FHIT: variants seen among roughly 807,000 people sequenced by gnomAD.
FHIT encodes fragile histidine triad diadenosine triphosphatase.
A neutral mutation model predicts 17.9 loss-of-function variants in FHIT; 19 were observed. That is an observed-to-expected ratio of 1.06 (90% CI 0.74 to 1.56). The LOEUF (loss-of-function observed/expected upper bound fraction) is 1.56, where lower values mean the gene tolerates loss of function less well. FHIT is among the 40% of genes most tolerant of loss of function. The pLI is 0.00. For synonymous variants in FHIT, 81 were observed against 69.7 expected (o/e 1.16, Z -0.81); for missense variants, 248 against 189.2 (o/e 1.31, Z -1.82).
At chr3:60,375,408 T>TA (rs144193166) in intron 5 of FHIT, among the ~76,000 whole-genome samples, 2,716 of 142,916 alleles carry the variant, frequency 0.019, 82 homozygotes, top group African/African-American at 0.065. Context: ...ATCTCTACTT[T>TA]AAAAAAAAAA....
At chr3:59,777,247 A>G (rs893603119) in intron 8 of FHIT, among the ~76,000 whole-genome samples, 17 of 152,036 alleles carry the variant, frequency 1.1e-4, no homozygotes, top group Non-Finnish European at 1.9e-4. Flanking sequence ...TTTAAATACT[A>G]TCTCCTATGA....
intron 4 of FHIT, among the ~76,000 whole-genome samples, chr3:60,716,613 T>G (rs1473704528): frequency 1.3e-5 from 2 of 152,176 alleles, no homozygotes; most frequent in African/African-American, 4.8e-5. Flanking sequence ...GTTTTATAGT[T>G]AACTGTTCTT....
intron 5 of FHIT, among the ~76,000 whole-genome samples, chr3:60,245,539 T>C (rs1705349862): frequency 6.6e-6 from 1 of 152,112 alleles, no homozygotes; most frequent in Non-Finnish European, 1.5e-5. Context: ...CATTACAATT[T>C]CATTACAAAA....
chr3:61,228,473 G>A (rs2040022463), intron 1 of FHIT, among the ~76,000 whole-genome samples: 1 of 152,166 alleles, frequency 6.6e-6, no homozygotes, highest in African/African-American at 2.4e-5. Flanking sequence ...CCATATATAA[G>A]TGTTCAATTC....
At chr3:60,458,133 C>G (rs140083542) in intron 5 of FHIT, among the ~76,000 whole-genome samples, 3 of 152,084 alleles carry the variant, frequency 2.0e-5, no homozygotes, top group African/African-American at 7.2e-5. Context: ...CACATGCACA[C>G]GTATGTTTAT....
At chr3:60,589,598 GTCGGGGGATATATTTTTAAGATAAC>G (rs77586272) in intron 4 of FHIT, among the ~76,000 whole-genome samples, 57 of 151,992 alleles carry the variant, frequency 3.8e-4, no homozygotes, top group Non-Finnish European at 7.5e-4. Context: ...CTTTGTCCAC[GTCGGGGGATATATTTTTAAGATAAC>G]TCTGTGGAAG....
At chr3:60,423,711 T>C (rs1375147981) in intron 5 of FHIT, among the ~76,000 whole-genome samples, 1 of 152,164 alleles carries the variant, frequency 6.6e-6, no homozygotes, top group Non-Finnish European at 1.5e-5. Flanking sequence ...CCCCAACTCC[T>C]TCTACCAGTC....
chr3:61,054,675 C>T lies in FHIT; in HGVS notation c.-163-12576G>A, dbSNP rs578125301. Among the ~76,000 whole-genome samples, 98 of 152,252 alleles carry T rather than the reference C, an allele frequency of 6.4e-4. 1 individual carries two copies. In the South Asian group the frequency reaches 0.012, roughly 19 times the overall value. On this transcript the variant is annotated intron_variant, in intron 2 of 9. Transcript: ENST00000492590. ...TAGCCATTCCCTTCCCTGCACAGTT[C>T]CCAAGCCAGATCTAGACATTTCTAC... is the stretch of plus-strand genomic sequence containing the variant.
intron 2 of FHIT, among the ~76,000 whole-genome samples, chr3:61,140,260 C>T (rs1401980593): frequency 6.6e-6 from 1 of 151,968 alleles, no homozygotes; most frequent in African/African-American, 2.4e-5. Context: ...ATGATGATGA[C>T]GATGATGTCT....
intron 1 of FHIT, among the ~76,000 whole-genome samples, chr3:61,208,954 C>CCA (rs2039353475): frequency 1.3e-5 from 2 of 151,954 alleles, no homozygotes; most frequent in Non-Finnish European, 2.9e-5. Context: ...GTGGCTGGTA[C>CCA]TGGTTGTTCC....
At chr3:60,902,323 A>C (rs1489368414) in intron 3 of FHIT, among the ~76,000 whole-genome samples, 2 of 152,220 alleles carry the variant, frequency 1.3e-5, no homozygotes, top group Non-Finnish European at 2.9e-5. Flanking sequence ...TGCATATCTC[A>C]GTAATTTATG....
chr3:60,926,102 T>C (rs1183966710), intron 3 of FHIT, among the ~76,000 whole-genome samples: 16 of 152,056 alleles, frequency 1.1e-4, no homozygotes, highest in African/African-American at 3.9e-4. Context: ...CACACAATAA[T>C]AATGGGAGAC....
At chr3:60,498,390 T>C (rs1041635448) in intron 5 of FHIT, among the ~76,000 whole-genome samples, 3 of 152,226 alleles carry the variant, frequency 2.0e-5, no homozygotes, top group African/African-American at 7.2e-5. Flanking sequence ...TTTACTAAAT[T>C]ATTAATTATA....
chr3:60,326,531 A>G (rs1320537578), intron 5 of FHIT, among the ~76,000 whole-genome samples: 4 of 152,152 alleles, frequency 2.6e-5, no homozygotes, highest in African/African-American at 9.7e-5. Flanking sequence ...GCTTTGCTCA[A>G]TTGCCCACTG....
At chr3:61,131,129 A>C (rs779108214) in intron 2 of FHIT, among the ~76,000 whole-genome samples, 7 of 152,218 alleles carry the variant, frequency 4.6e-5, no homozygotes, top group Non-Finnish European at 1.0e-4. Context: ...GTAAAAAAGG[A>C]TTTAAACAAC....
At chr3:60,402,071 T>C (rs936885873) in intron 5 of FHIT, among the ~76,000 whole-genome samples, 2 of 152,166 alleles carry the variant, frequency 1.3e-5, no homozygotes, top group African/African-American at 2.4e-5. Context: ...TAAGGGGCTA[T>C]TGTTTCCCCC....
At chr3:60,196,009 T>C (rs992360368) in intron 5 of FHIT, among the ~76,000 whole-genome samples, 1 of 152,118 alleles carries the variant, frequency 6.6e-6, no homozygotes, top group Non-Finnish European at 1.5e-5. Context: ...AACCTACTTG[T>C]ACCCCTAAAG....
chr3:60,744,244 T>A (rs1470311045), intron 4 of FHIT, among the ~76,000 whole-genome samples: 1 of 42,444 alleles, frequency 2.4e-5, no homozygotes, highest in African/African-American at 1.1e-4. Context: ...TTGGAAGTAA[T>A]GTAAAAAAAA....
At chr3:60,611,113 G>C (rs1553673380) in intron 4 of FHIT, among the ~76,000 whole-genome samples, 1 of 152,144 alleles carries the variant, frequency 6.6e-6, no homozygotes, top group African/African-American at 2.4e-5. Flanking sequence ...CCCAGTAATT[G>C]TGGCTCATCT....
Sources: allele counts gnomAD v4.1 joint callset (sites outside exome capture counted in the v4.1 genomes callset), GRCh38; gene constraint gnomAD v4.1.1; transcripts MANE v1.5; gene names NCBI Gene and HGNC (gene_info 2026-07-23, HGNC 2026-07-21).